The following LONRF1 variants were observed in gnomAD, a reference collection of about 807,000 sequenced individuals.
The protein encoded by LONRF1 is LON peptidase N-terminal domain and RING finger protein 1.
LONRF1 carries 37 observed loss-of-function variants against 85.8 expected under a neutral mutation model. The ratio of observed to expected loss-of-function variants is 0.43; its 90% CI spans 0.33 to 0.57. The LOEUF is 0.57. LONRF1 is among the 20% of genes least tolerant of loss of function. LONRF1 has a pLI of 0.04. For missense variants in LONRF1, 1,036 were observed against 978.0 expected, an observed-to-expected ratio of 1.06 and a Z score of -0.79; for synonymous variants, 517 against 390.1, an observed-to-expected ratio of 1.33 and a Z score of -3.83.
intron 11 of LONRF1, among the ~76,000 whole-genome samples, chr8:12,724,106 T>C (rs1258598997): frequency 2.6e-5 from 4 of 152,216 alleles, no homozygotes; most frequent in African/African-American, 7.2e-5. Flanking sequence ...TATTTGTGTA[T>C]TGTCCGCTGT....
chr8:12,734,771 T>C (rs1399407041), intron 7 of LONRF1, among the ~76,000 whole-genome samples: 1 of 152,156 alleles, frequency 6.6e-6, no homozygotes, highest in Non-Finnish European at 1.5e-5. Context: ...AAAATGTAAA[T>C]ATAGTTCCTC....
chr8:12,749,677 C>G (rs10503427), intron 1 of LONRF1, among the ~76,000 whole-genome samples: 12,653 of 152,104 alleles, frequency 0.083, 710 homozygotes, highest in Non-Finnish European at 0.12. Flanking sequence ...ACACTTGAAT[C>G]AGTTTTTTTA....
chr8:12,737,452 T>G (rs1798763974), intron 4 of LONRF1: 1 of 475,280 alleles, frequency 2.1e-6, no homozygotes. Context: ...TAACAACTAT[T>G]TACATAGTAT....
In LONRF1 at chr8:12,754,944, C is replaced by G; in HGVS notation, c.477G>C (p.Arg159=). 6.7e-7 allele frequency: 1 copy of G among 1,489,460 alleles called. No homozygotes were observed. The highest frequency in any genetic ancestry group is 8.9e-7 in the Non-Finnish European group (1 of 1,124,452). 92.3% of individuals were successfully genotyped at this position (1,489,460 alleles called of 1,614,324 possible). A position where few individuals can be genotyped will look rare whatever the true frequency, so the allele number is the denominator to read the frequency against. Residue 159 remains arginine, a synonymous_variant, in exon 1 of 12, where the codon CGG becomes CGC. Transcript: ENST00000398246. The part of the protein sequence containing the change: ...RELRARCRLC[R]DRLPPATASA... The stretch of plus-strand genomic sequence containing the variant: ...TGGCGGTGGCGGGCGGCAGCCGGTC[C>G]CGGCAGAGGCGGCAGCGGGCGCGGA...
At chr8:12,732,503 G>A (rs984575895) in intron 7 of LONRF1, among the ~76,000 whole-genome samples, 16 of 151,996 alleles carry the variant, frequency 1.1e-4, no homozygotes, top group African/African-American at 3.9e-4. Context: ...TTACATTTGC[G>A]CTGACCCCTA....
chr8:12,750,300 CATAA>C (rs1799328354), intron 1 of LONRF1, among the ~76,000 whole-genome samples: 1 of 152,194 alleles, frequency 6.6e-6, no homozygotes, highest in Admixed American at 6.5e-5. Flanking sequence ...TAAGTAAGGA[CATAA>C]ATAAGTTAGC....
intron 7 of LONRF1, among the ~76,000 whole-genome samples, chr8:12,733,698 A>G (rs1434304235): frequency 6.6e-6 from 1 of 152,208 alleles, no homozygotes; most frequent in African/African-American, 2.4e-5. Flanking sequence ...GAAACCTTAT[A>G]TATCCAACAA....
chr8:12,747,799 A>C (rs113742019), intron 1 of LONRF1, among the ~76,000 whole-genome samples: 3,769 of 151,992 alleles, frequency 0.025, 94 homozygotes, highest in South Asian at 0.12. Context: ...TTTCAGTTCA[A>C]ATTCAAAGTT....
intron 1 of LONRF1, among the ~76,000 whole-genome samples, chr8:12,751,058 C>T (rs576401747): frequency 3.3e-5 from 5 of 152,214 alleles, no homozygotes; most frequent in African/African-American, 4.8e-5. Flanking sequence ...GGTTAGGCAA[C>T]GTGCACAAGG....
chr8:12,735,338 C>T lies in LONRF1; in HGVS notation c.1514G>A (p.Arg505His). Residue 505 changes from arginine to histidine, a missense_variant, in exon 7 of 12, where the codon CGT becomes CAT. Physicochemically the swap from Arg to His is conservative, Grantham distance 29. This residue lies in a region of LONRF1 where 29 missense variants were observed against 62.1 expected (regional missense o/e 0.47). Transcript: ENST00000398246. ...GHSFCKNCLE[R>H]CLDHAPYCPL... ...ACAATATGGTGCATGATCTAAACAA[C>T]GCTCAAGACAATTCTTACAGAACGA... The T allele has an allele frequency of 1.2e-6, 2 of 1,608,408 alleles. No homozygotes were observed. The highest frequency in any genetic ancestry group is 1.7e-6 in the Non-Finnish European group (2 of 1,176,772).
chr8:12,751,391 C>G (rs949001512), intron 1 of LONRF1, among the ~76,000 whole-genome samples: 1 of 140,252 alleles, frequency 7.1e-6, no homozygotes, highest in Non-Finnish European at 1.5e-5. Flanking sequence ...ACTGCAACCT[C>G]CACTTTCCGG....
At chr8:12,746,045 T>C (rs1379725564) in intron 1 of LONRF1, among the ~76,000 whole-genome samples, 3 of 152,340 alleles carry the variant, frequency 2.0e-5, no homozygotes, top group Non-Finnish European at 2.9e-5. Flanking sequence ...TTCTCTATTA[T>C]TGACACCACT....
chr8:12,734,099 G>A (rs1798630115), intron 7 of LONRF1, among the ~76,000 whole-genome samples: 1 of 152,048 alleles, frequency 6.6e-6, no homozygotes, highest in Admixed American at 6.5e-5. Context: ...TAGTTATCCT[G>A]GGGGGGTATT....
intron 1 of LONRF1, among the ~76,000 whole-genome samples, chr8:12,747,618 T>C (rs1799214155): frequency 6.6e-6 from 1 of 152,142 alleles, no homozygotes; most frequent in South Asian, 2.1e-4. Flanking sequence ...GTTAGCCTTC[T>C]AGGCAGAAAA....
At position 12,740,937 on chromosome 8, in the gene LONRF1, T is replaced by C; in HGVS notation, c.900A>G (p.Gln300=). The C allele has an allele frequency of 1.2e-5, 19 of 1,613,474 alleles. No homozygotes were observed. Among genetic ancestry groups the C allele is most frequent in the Non-Finnish European group, 1.6e-5 (19 of 1,179,628 alleles). Residue 300 remains glutamine, a synonymous_variant, in exon 3 of 12, where the codon CAA becomes CAG. Transcript: ENST00000398246. ...CDAGFLGDAL[Q]LFLQCLALDE... The stretch of plus-strand genomic sequence containing the variant: ...CAAGGGCTAAGCACTGAAGAAAGAG[T>C]TGTAAGGCATCACCTAAAAAACCAG...
intron 3 of LONRF1, 111 bp downstream of exon 3, chr8:12,740,758 CTAAGT>C: frequency 7.8e-7 from 1 of 1,284,310 alleles, no homozygotes; most frequent in Admixed American, 2.3e-5. Flanking sequence ...ACATTTGTTC[CTAAGT>C]TAGATTTATT....
intron 1 of LONRF1, chr8:12,754,361 C>T (rs566659906): frequency 4.3e-5 from 9 of 207,136 alleles, no homozygotes; most frequent in Admixed American, 2.4e-4. Context: ...GCCCAGCTAC[C>T]ACCCATCCCG....
At chr8:12,752,879 C>T (rs1284134088) in intron 1 of LONRF1, 3 of 152,250 alleles carry the variant, frequency 2.0e-5, no homozygotes, top group Admixed American at 1.3e-4. Context: ...GATATGTATA[C>T]TAAACATGTG....
intron 1 of LONRF1, among the ~76,000 whole-genome samples, chr8:12,751,294 A>ATGTTTTTTTTTTTTTTGTTTTTT (rs1554469326): frequency 2.4e-5 from 2 of 84,810 alleles, no homozygotes; most frequent in African/African-American, 4.2e-5. Flanking sequence ...TTTTATTTTT[A>ATGTTTTTTTTTTTTTTGTTTTTT]TGTTTTTTTT....
Sources: allele counts gnomAD v4.1 joint callset (sites outside exome capture counted in the v4.1 genomes callset), GRCh38; gene constraint gnomAD v4.1.1; regional missense constraint gnomAD v4.1.1; transcripts MANE v1.5; gene names NCBI Gene and HGNC (gene_info 2026-07-23, HGNC 2026-07-21).